UPRT: variants seen among roughly 807,000 people sequenced by gnomAD.
UPRT encodes the protein RP11-311P8.3.
Under a neutral mutation model 22.6 loss-of-function variants are expected in UPRT, and 5 were observed. That is an observed-to-expected ratio of 0.22 (90% CI 0.12 to 0.47). UPRT has a LOEUF of 0.47. UPRT is among the 20% of genes least tolerant of loss of function. The pLI, the probability that UPRT is intolerant of heterozygous loss-of-function variation, is 0.99. For synonymous variants in UPRT, 77 were observed against 87.7 expected, an observed-to-expected ratio of 0.88 and a Z score of 0.68; for missense variants, 181 against 239.9, an observed-to-expected ratio of 0.75 and a Z score of 1.62.
At chrX:75,290,051 A>C (rs1301342352) in intron 1 of UPRT, among the ~76,000 whole-genome samples, 1 of 112,366 alleles carries the variant, frequency 8.9e-6, no homozygotes, top group African/African-American at 3.2e-5. Context: ...CAAACTCTGA[A>C]TCTGACAAAG....
intron 4 of UPRT, among the ~76,000 whole-genome samples, chrX:75,252,393 A>G (rs1485618153): frequency 1.8e-5 from 2 of 112,210 alleles, no homozygotes; most frequent in Non-Finnish European, 3.8e-5. Flanking sequence ...ACATGAACAG[A>G]CACTTCTCAA....
At chrX:75,222,775 C>G (rs1188179796) in intron 4 of UPRT, among the ~76,000 whole-genome samples, 2 of 110,865 alleles carry the variant, frequency 1.8e-5, no homozygotes, top group East Asian at 5.7e-4. Flanking sequence ...GAAATGCCAT[C>G]TAAGAGCCAA....
chrX:75,167,917 A>T, intron 4 of UPRT, among the ~76,000 whole-genome samples: 1 of 112,110 alleles, frequency 8.9e-6, no homozygotes, highest in Non-Finnish European at 1.9e-5. Context: ...TATTAAATAC[A>T]GTGAGAGGTT....
intron 4 of UPRT, among the ~76,000 whole-genome samples, chrX:75,254,937 G>A (rs1041481158): frequency 9.1e-6 from 1 of 109,297 alleles, no homozygotes; most frequent in Non-Finnish European, 1.9e-5. Flanking sequence ...CACCGCACCC[G>A]GCTAATTTTT....
chrX:75,296,338 C>T lies in UPRT; in HGVS notation c.430-4C>T. ...CTCAACTTCTTCTTCCTTTGACTCTCTAGATCAGACTTGTTGTGGAAGAGG... is the reference window on the plus strand; with the variant it reads ...CTCAACTTCTTCTTCCTTTGACTCTTTAGATCAGACTTGTTGTGGAAGAGG... On this transcript the variant is annotated splice_region_variant and splice_polypyrimidine_tract_variant and intron_variant, in intron 2 of 6. Coordinates refer to ENST00000373383, the MANE Select transcript of UPRT (RefSeq NM_145052.4). 8.3e-7 allele frequency: 1 copy of T among 1,209,273 alleles called. No individual in the cohort carries two copies. The highest frequency in any genetic ancestry group is 1.7e-5 in the African/African-American group (1 of 57,681).
At chrX:75,191,442 GC>G (rs1018879897) in intron 4 of UPRT, among the ~76,000 whole-genome samples, 12 of 110,239 alleles carry the variant, frequency 1.1e-4, no homozygotes, top group African/African-American at 3.9e-4. Flanking sequence ...ACTTGAGGAG[GC>G]AGTCTGTCTG....
chrX:75,188,520 G>C (rs908404434), intron 4 of UPRT, among the ~76,000 whole-genome samples: 3 of 112,824 alleles, frequency 2.7e-5, no homozygotes, highest in Non-Finnish European at 3.8e-5. Flanking sequence ...ACAGAGGCAG[G>C]CAGGCCTCCT....
At chrX:75,270,007 C>G (rs995822847), upstream of UPRT, among the ~76,000 whole-genome samples, 1 of 111,543 alleles carries the variant, frequency 9.0e-6, no homozygotes, top group African/African-American at 3.3e-5. Flanking sequence ...ATCTACCCAT[C>G]TGACAAAGGG....
intron 4 of UPRT, among the ~76,000 whole-genome samples, chrX:75,236,245 T>C (rs2082463538): frequency 9.0e-6 from 1 of 111,390 alleles, no homozygotes; most frequent in South Asian, 3.8e-4. Context: ...TTACAAGGGA[T>C]GTGAAGGACC....
intron 4 of UPRT, among the ~76,000 whole-genome samples, chrX:75,267,054 G>T (rs1055063455): frequency 9.0e-6 from 1 of 111,344 alleles, no homozygotes; most frequent in African/African-American, 3.3e-5. Context: ...TCTAGAACTA[G>T]ATATACCATT....
intron 4 of UPRT, among the ~76,000 whole-genome samples, chrX:75,242,951 G>T (rs1602469924): frequency 9.0e-6 from 1 of 111,554 alleles, no homozygotes. Context: ...CAAATGGTTT[G>T]CTGTTTTCAA....
intron 1 of UPRT, among the ~76,000 whole-genome samples, chrX:75,288,009 A>G (rs942122263): frequency 1.2e-4 from 13 of 111,711 alleles, no homozygotes; most frequent in African/African-American, 3.9e-4. Context: ...AAATAATCCC[A>G]TGTAAATACA....
In UPRT at chrX:75,304,154, G is replaced by A. The variant is rs1020026070; in HGVS notation, c.*643G>A. ...GCTGTAATGCAGTGAAGAAGATGGT[G>A]GGGCATTTTTAGTAATTGGAACTGT... On this transcript the variant is annotated 3_prime_UTR_variant, in exon 7 of 7. Transcript: ENST00000373383. 2 of 111,597 alleles carry A rather than the reference G, an allele frequency of 1.8e-5. No homozygotes were observed. Among genetic ancestry groups the A allele is most frequent in the African/African-American group, 3.3e-5 (1 of 30,670 alleles). The allele number at this position is 111,597 out of a possible 1,213,427, so 9.2% of individuals were successfully genotyped here. A position where few individuals can be genotyped will look rare whatever the true frequency, so the allele number is the denominator to read the frequency against.
At chrX:75,286,858 G>A (rs770679820) in intron 1 of UPRT, among the ~76,000 whole-genome samples, 51 of 111,387 alleles carry the variant, frequency 4.6e-4, no homozygotes, top group Non-Finnish European at 8.7e-4. Flanking sequence ...CTTTACTTTT[G>A]GAAGCCTCAC....
At chrX:75,234,856 T>C (rs1233231423) in intron 4 of UPRT, among the ~76,000 whole-genome samples, 2 of 110,746 alleles carry the variant, frequency 1.8e-5, no homozygotes, top group African/African-American at 6.6e-5. Context: ...AACTGACACC[T>C]TAACATCACA....
intron 4 of UPRT, among the ~76,000 whole-genome samples, chrX:75,230,001 A>G (rs776804737): frequency 1.8e-5 from 2 of 112,085 alleles, no homozygotes; most frequent in South Asian, 7.5e-4. Context: ...CTCAGCAAGG[A>G]GGCTTGTGGC....
At chrX:75,170,346 T>A (rs1445533074) in intron 4 of UPRT, among the ~76,000 whole-genome samples, 2 of 111,911 alleles carry the variant, frequency 1.8e-5, no homozygotes, top group African/African-American at 6.5e-5. Context: ...CTGTCTTTTT[T>A]AACTGCTTTT....
intron 4 of UPRT, among the ~76,000 whole-genome samples, chrX:75,217,244 C>T (rs2082395907): frequency 9.0e-6 from 1 of 110,624 alleles, no homozygotes; most frequent in African/African-American, 3.3e-5. Context: ...AGCGTGATGC[C>T]TCCAGTTTTG....
At chrX:75,159,472 A>G (rs1479080958) in intron 1 of UPRT, among the ~76,000 whole-genome samples, 1 of 112,219 alleles carries the variant, frequency 8.9e-6, no homozygotes, top group Non-Finnish European at 1.9e-5. Context: ...TACTTCAACA[A>G]TATGTACAGC....
Sources: allele counts gnomAD v4.1 joint callset (sites outside exome capture counted in the v4.1 genomes callset), GRCh38; gene constraint gnomAD v4.1.1; transcripts MANE v1.5; gene names NCBI Gene and HGNC (gene_info 2026-07-23, HGNC 2026-07-21).